AUTS2: variants seen among roughly 807,000 people sequenced by gnomAD.
The protein encoded by AUTS2 is autism susceptibility gene 2 protein.
AUTS2 carries 17 observed loss-of-function variants against 112.4 expected under a neutral mutation model. The observed-to-expected ratio is 0.15, with a 90% confidence interval of 0.10 to 0.23. The LOEUF (loss-of-function observed/expected upper bound fraction) is 0.23. AUTS2 is among the 10% of genes least tolerant of loss of function. The pLI is 1.00. For missense variants in AUTS2, 1,510 were observed against 1,701.6 expected, an observed-to-expected ratio of 0.89 and a Z score of 1.98; for synonymous variants, 751 against 702.7, an observed-to-expected ratio of 1.07 and a Z score of -1.09.
At chr7:70,303,424 G>T (rs11762035) in intron 4 of AUTS2, among the ~76,000 whole-genome samples, 2 of 124,422 alleles carry the variant, frequency 1.6e-5, no homozygotes, top group African/African-American at 6.4e-5. Context: ...ACACACACAC[G>T]CGCGCGCGCG....
intron 5 of AUTS2, among the ~76,000 whole-genome samples, chr7:70,657,853 T>C (rs1473282908): frequency 6.6e-6 from 1 of 152,178 alleles, no homozygotes; most frequent in African/African-American, 2.4e-5. Flanking sequence ...GGGAGAAACT[T>C]GAGAACTTGA....
chr7:70,146,283 A>G (rs1463656245), intron 4 of AUTS2, among the ~76,000 whole-genome samples: 3 of 151,654 alleles, frequency 2.0e-5, no homozygotes, highest in Non-Finnish European at 4.4e-5. Flanking sequence ...ATTCTGCTTT[A>G]CTTCTTTTCC....
chr7:69,879,120 CTGTGTGTGTGTGTG>C (rs5884770), intron 1 of AUTS2, among the ~76,000 whole-genome samples: 3 of 147,706 alleles, frequency 2.0e-5, no homozygotes, highest in Non-Finnish European at 4.5e-5. Flanking sequence ...TTGAGACTTT[CTGTGTGTGTGTGTG>C]TGTGTGTGTG....
At chr7:70,378,496 C>G (rs1015943743) in intron 4 of AUTS2, among the ~76,000 whole-genome samples, 3 of 152,176 alleles carry the variant, frequency 2.0e-5, no homozygotes, top group Non-Finnish European at 4.4e-5. Context: ...CTGAGATTAG[C>G]TCTTATGTGA....
intron 4 of AUTS2, among the ~76,000 whole-genome samples, chr7:70,334,985 C>G (rs1002462661): frequency 2.6e-5 from 4 of 152,062 alleles, no homozygotes; most frequent in African/African-American, 9.7e-5. Flanking sequence ...AGATTTTTGC[C>G]AGCCCTCTTC....
At chr7:70,296,302 A>G (rs1289985033) in intron 4 of AUTS2, among the ~76,000 whole-genome samples, 1 of 152,262 alleles carries the variant, frequency 6.6e-6, no homozygotes, top group Non-Finnish European at 1.5e-5. Flanking sequence ...TTGAGCACAT[A>G]GATATCATGT....
At chr7:70,566,613 CCCACTGTTTA>C (rs1304947562) in intron 5 of AUTS2, among the ~76,000 whole-genome samples, 1 of 152,132 alleles carries the variant, frequency 6.6e-6, no homozygotes, top group African/African-American at 2.4e-5. Flanking sequence ...TTAACTGTTT[CCCACTGTTTA>C]AATATCTCTA....
chr7:69,725,016 G>A (rs1053921516), intron 1 of AUTS2, among the ~76,000 whole-genome samples: 1 of 152,142 alleles, frequency 6.6e-6, no homozygotes, highest in Non-Finnish European at 1.5e-5. Context: ...TTAATCTTCA[G>A]TCCTTCATAG....
intron 6 of AUTS2, among the ~76,000 whole-genome samples, chr7:70,708,173 AT>A (rs1269644604): frequency 6.6e-6 from 1 of 152,122 alleles, no homozygotes; most frequent in African/African-American, 2.4e-5. Context: ...CTAAAACCTA[AT>A]TTTAGCCAAG....
intron 2 of AUTS2, among the ~76,000 whole-genome samples, chr7:69,905,104 T>A (rs1795101662): frequency 6.6e-6 from 1 of 152,192 alleles, no homozygotes; most frequent in Admixed American, 6.5e-5. Flanking sequence ...TTTATTCGTG[T>A]TTTTCATTTT....
chr7:70,053,118 A>T (rs868002494), intron 2 of AUTS2, among the ~76,000 whole-genome samples: 2 of 152,220 alleles, frequency 1.3e-5, no homozygotes, highest in South Asian at 2.1e-4. Flanking sequence ...TATATATTTC[A>T]TAATATAAAA....
chr7:69,945,591 A>G lies in AUTS2; in HGVS notation c.522+46093A>G, dbSNP rs180848630. 9.2e-5 allele frequency among the ~76,000 whole-genome samples: 14 copies of G among 152,182 alleles called. No individual in the cohort carries two copies. The East Asian group carries it at 2.1e-3, about 23-fold the overall frequency. On this transcript the variant is annotated intron_variant, in intron 2 of 18. Coordinates refer to ENST00000342771, the MANE Select transcript of AUTS2 (RefSeq NM_015570.4). ...TTAATCCAAATCCATTGCCTTGCATAGTTACCATTTTTTGTTGTTGTTGTT... is the reference window on the plus strand; with the variant it reads ...TTAATCCAAATCCATTGCCTTGCATGGTTACCATTTTTTGTTGTTGTTGTT...
chr7:70,027,145 T>C (rs1457597845), intron 2 of AUTS2, among the ~76,000 whole-genome samples: 1 of 152,202 alleles, frequency 6.6e-6, no homozygotes, highest in Non-Finnish European at 1.5e-5. Context: ...AGATGCTTTT[T>C]TGACTTTTGA....
intron 5 of AUTS2, among the ~76,000 whole-genome samples, chr7:70,524,166 A>G (rs1240452689): frequency 1.3e-5 from 2 of 152,254 alleles, no homozygotes; most frequent in East Asian, 3.8e-4. Flanking sequence ...GTCAAGGTCT[A>G]TAAGGAAGAA....
chr7:70,581,572 G>A (rs1802446236), intron 5 of AUTS2, among the ~76,000 whole-genome samples: 2 of 152,080 alleles, frequency 1.3e-5, no homozygotes, highest in African/African-American at 4.8e-5. Context: ...AGATTCATTG[G>A]GCTCTTAACC....
At chr7:70,463,089 G>A (rs530223399) in intron 5 of AUTS2, among the ~76,000 whole-genome samples, 53 of 152,238 alleles carry the variant, frequency 3.5e-4, no homozygotes, top group South Asian at 6.2e-4. Flanking sequence ...CCGTAGGCCT[G>A]TGAGTCTCCA....
chr7:70,107,335 CTTTTTTTTTT>C (rs35066322), intron 2 of AUTS2, among the ~76,000 whole-genome samples: 8 of 96,936 alleles, frequency 8.3e-5, no homozygotes, highest in Middle Eastern at 7.4e-3. Flanking sequence ...AGATGAGAAG[CTTTTTTTTTT>C]TTTTTTTTTT....
chr7:70,144,945 G>A (rs1807053256), intron 4 of AUTS2, among the ~76,000 whole-genome samples: 3 of 152,076 alleles, frequency 2.0e-5, no homozygotes, highest in Non-Finnish European at 2.9e-5. Flanking sequence ...GTTTGTCATG[G>A]TATACTTAGT....
chr7:69,723,581 G>A (rs143504443), intron 1 of AUTS2, among the ~76,000 whole-genome samples: 10 of 152,224 alleles, frequency 6.6e-5, no homozygotes, highest in South Asian at 2.1e-4. Flanking sequence ...GTAAATACAT[G>A]TAAATCACTT....
Sources: gnomAD v4.1 joint callset for allele counts (sites outside exome capture counted in the v4.1 genomes callset) on GRCh38, gnomAD v4.1.1 for gene constraint, MANE v1.5 for transcripts, NCBI Gene and HGNC (gene_info 2026-07-23, HGNC 2026-07-21) for gene names.